Variants in GATB observed in about 807,000 individuals in gnomAD.
GATB encodes glutamyl-tRNA(Gln) amidotransferase subunit B, mitochondrial.
GATB carries 39 observed loss-of-function variants against 62.3 expected under a neutral mutation model. The ratio of observed to expected loss-of-function variants is 0.63; its 90% CI spans 0.48 to 0.82. The LOEUF is 0.82. GATB is among the 40% of genes least tolerant of loss of function. GATB has a pLI of 0.00. For synonymous variants in GATB, 276 were observed against 258.9 expected (o/e 1.07, Z -0.63); for missense variants, 670 against 684.0 (o/e 0.98, Z 0.23).
At chr4:151,674,564 G>T (rs1358167612) in intron 11 of GATB, 1 of 152,168 alleles carries the variant, frequency 6.6e-6, no homozygotes, top group African/African-American at 2.4e-5. Context: ...TAATATTTTG[G>T]TGTTTTTTCT....
At chr4:151,691,804 C>A (rs181680034) in intron 9 of GATB, 5 of 152,174 alleles carry the variant, frequency 3.3e-5, no homozygotes, top group African/African-American at 1.2e-4. Flanking sequence ...TATTTATTTA[C>A]GAGAAGGAAA....
chr4:151,735,879 G>A (rs1000380590), intron 2 of GATB, among the ~76,000 whole-genome samples: 2 of 151,452 alleles, frequency 1.3e-5, no homozygotes, highest in African/African-American at 4.9e-5. Flanking sequence ...AGGAAGAGTG[G>A]GAAGGGGGCA....
At chr4:151,723,148 C>T (rs1739063447) in intron 2 of GATB, 1 of 152,182 alleles carries the variant, frequency 6.6e-6, no homozygotes, top group Admixed American at 6.5e-5. Flanking sequence ...CTCAGCTGAG[C>T]CTTCAGAGGC....
At chr4:151,675,890 C>T (rs74836419) in intron 11 of GATB, 2 of 152,352 alleles carry the variant, frequency 1.3e-5, no homozygotes, top group East Asian at 3.9e-4. Flanking sequence ...AATTTACACA[C>T]CCTCTTAGTT....
intron 11 of GATB, chr4:151,674,285 C>T (rs973827851): frequency 6.6e-6 from 1 of 152,268 alleles, no homozygotes; most frequent in Non-Finnish European, 1.5e-5. Context: ...CGGGAAGAAA[C>T]TTCCTCACTC....
chr4:151,738,306 G>T (rs1739420398), intron 2 of GATB, among the ~76,000 whole-genome samples: 1 of 152,194 alleles, frequency 6.6e-6, no homozygotes. Context: ...GACCTGGTTG[G>T]AGGTAACTGA....
intron 6 of GATB, among the ~76,000 whole-genome samples, chr4:151,705,818 TG>T (rs1308917271): frequency 6.6e-6 from 1 of 152,198 alleles, no homozygotes. Flanking sequence ...CAACCACAAT[TG>T]CTAAGCTGTT....
At chr4:151,731,551 G>A (rs1189874687) in intron 2 of GATB, among the ~76,000 whole-genome samples, 1 of 152,210 alleles carries the variant, frequency 6.6e-6, no homozygotes, top group Non-Finnish European at 1.5e-5. Flanking sequence ...TCTGGGAAGT[G>A]AGGAGCATCT....
At chr4:151,749,245 G>C (rs1739664783) in intron 2 of GATB, among the ~76,000 whole-genome samples, 1 of 152,140 alleles carries the variant, frequency 6.6e-6, no homozygotes, top group Admixed American at 6.5e-5. Flanking sequence ...CAATAGCAAA[G>C]ACTTGGAACC....
At position 151,688,082 on chromosome 4, in the gene GATB, C is replaced by A. The variant is rs559288691; in HGVS notation, c.1331+548G>T. ...CATTCCCACCTGCCTGCCTCCGGCC[C>A]CTGCAGCTTCTGGCGTTCCTGAGCC... On this transcript the variant is annotated intron_variant, in intron 10 of 12. Coordinates refer to ENST00000263985, the MANE Select transcript of GATB (RefSeq NM_004564.3). Among the ~76,000 whole-genome samples the A allele has an allele frequency of 3.3e-5, 5 of 152,328 alleles. No individual in the cohort carries two copies. In the South Asian group the frequency reaches 1.0e-3, roughly 32 times the overall value.
intron 11 of GATB, among the ~76,000 whole-genome samples, chr4:151,679,406 T>C (rs2126955617): frequency 6.6e-6 from 1 of 152,288 alleles, no homozygotes; most frequent in East Asian, 1.9e-4. Flanking sequence ...AGGGCAACCA[T>C]GCAGCAGGGA....
chr4:151,757,766 C>T (rs191253969), intron 2 of GATB, among the ~76,000 whole-genome samples: 106 of 152,190 alleles, frequency 7.0e-4, no homozygotes, highest in Non-Finnish European at 1.1e-3. Flanking sequence ...CGTGAGCCAC[C>T]GCGCCCGGCC....
chr4:151,760,587 T>TC (rs1208064025), intron 1 of GATB, among the ~76,000 whole-genome samples: 1 of 152,200 alleles, frequency 6.6e-6, no homozygotes, highest in Non-Finnish European at 1.5e-5. Flanking sequence ...ACTCGCGAAT[T>TC]CCCCAACTAC....
chr4:151,680,552 T>C (rs1029638941), intron 10 of GATB, among the ~76,000 whole-genome samples: 2 of 152,184 alleles, frequency 1.3e-5, no homozygotes, highest in African/African-American at 4.8e-5. Flanking sequence ...CATCCAAGCA[T>C]AGTGAAACAG....
intron 10 of GATB, among the ~76,000 whole-genome samples, chr4:151,684,998 G>C (rs537924874): frequency 6.6e-6 from 1 of 152,282 alleles, no homozygotes; most frequent in African/African-American, 2.4e-5. Context: ...CTTTGTGGCT[G>C]TGCCATCTGA....
Position 151,679,871 on chromosome 4 carries a change from A to C in GATB, c.1352T>G (p.Leu451Arg). 1 of 1,614,148 alleles carries C rather than the reference A, an allele frequency of 6.2e-7. No homozygotes were observed. The highest frequency in any genetic ancestry group is 1.1e-5 in the South Asian group (1 of 91,072). ...GTCCAGCAGGTCAAGAAGCTCAGCGAGTGCAGAGGGTGTGACAGGACTGGT... is the reference window on the plus strand; with the variant it reads ...GTCCAGCAGGTCAAGAAGCTCAGCGCGTGCAGAGGGTGTGACAGGACTGGT... ...VSESPVTPSA[L>R]AELLDLLDSR... is the part of the protein sequence containing the mutation. The change falls in exon 11 of 13, where the codon CTC becomes CGC. Residue 451 changes from leucine to arginine, a missense_variant. Leu to Arg is a moderately radical substitution (Grantham distance 102). Transcript: ENST00000263985.
rs988226107 is a variant in GATB at position 151,757,512 on chromosome 4, G to A, written c.327+1260C>T. On this transcript the variant is annotated intron_variant, in intron 2 of 12. Transcript: ENST00000263985. ...TTTTGAGATGGAGTCTCGCTCTGTCGCCCAGGCTGGAGTGCAGTGGCGCGA... is the reference window on the plus strand; with the variant it reads ...TTTTGAGATGGAGTCTCGCTCTGTCACCCAGGCTGGAGTGCAGTGGCGCGA... 1.4e-4 allele frequency among the ~76,000 whole-genome samples: 17 copies of A among 123,922 alleles called. No individual in the cohort carries two copies. In the East Asian group the frequency reaches 1.6e-3, roughly 12 times the overall value. 81.3% of individuals were successfully genotyped at this position (123,922 alleles called of 152,430 possible). A position where few individuals can be genotyped will look rare whatever the true frequency, so the allele number is the denominator to read the frequency against.
At chr4:151,722,268 T>G (rs1339395393) in intron 2 of GATB, 1 of 699,818 alleles carries the variant, frequency 1.4e-6, no homozygotes, top group Non-Finnish European at 2.6e-6. Context: ...TAGGGGTACA[T>G]AGATAAATAG....
intron 10 of GATB, among the ~76,000 whole-genome samples, chr4:151,680,289 A>C (rs1345465576): frequency 6.6e-6 from 1 of 151,908 alleles, no homozygotes; most frequent in Non-Finnish European, 1.5e-5. Flanking sequence ...AAAAAAAAAA[A>C]AAACCAGCTA....
Sources: allele counts gnomAD v4.1 joint callset (sites outside exome capture counted in the v4.1 genomes callset), GRCh38; gene constraint gnomAD v4.1.1; transcripts MANE v1.5; gene names NCBI Gene and HGNC (gene_info 2026-07-23, HGNC 2026-07-21).